USP28: variants seen among roughly 807,000 people sequenced by gnomAD.
USP28 encodes ubiquitin carboxyl-terminal hydrolase 28.
A neutral mutation model predicts 145.0 loss-of-function variants in USP28; 113 were observed. The observed-to-expected ratio is 0.78, with a 90% CI of 0.67 to 0.91. The LOEUF is 0.91. Among genes scored for constraint, USP28 ranks in the 40% least tolerant of loss-of-function variants. The pLI is 0.00. For synonymous variants in USP28, 447 were observed against 450.9 expected (o/e 0.99, Z 0.11); for missense variants, 1,201 against 1,289.6 (o/e 0.93, Z 1.05).
intron 12 of USP28, chr11:113,821,504 C>G: frequency 4.7e-6 from 1 of 210,724 alleles, no homozygotes. Flanking sequence ...GGTCGGGTGG[C>G]TGTTAATCTT....
intron 10 of USP28, 73 bp from the exon 11 acceptor site, chr11:113,827,433 A>C (rs1943508477): frequency 2.8e-6 from 4 of 1,449,566 alleles, no homozygotes; most frequent in African/African-American, 2.9e-5. Context: ...GATTTAAAAT[A>C]TCTCTCATTA....
At chr11:113,833,252 T>C (rs1194600294) in intron 7 of USP28, among the ~76,000 whole-genome samples, 168 bp downstream of exon 7, 1 of 152,136 alleles carries the variant, frequency 6.6e-6, no homozygotes, top group Non-Finnish European at 1.5e-5. Flanking sequence ...CACACACACA[T>C]GCTTTCTCTC....
At chr11:113,858,317 T>C (rs997456383) in intron 1 of USP28, among the ~76,000 whole-genome samples, 3 of 152,232 alleles carry the variant, frequency 2.0e-5, no homozygotes, top group African/African-American at 7.2e-5. Context: ...CCTTAGCCTG[T>C]TCCACCTTTT....
At chr11:113,797,919 G>GT (rs1428076837) in exon 25 of USP28, 1 of 152,422 alleles carries the variant, frequency 6.6e-6, no homozygotes, top group Admixed American at 6.6e-5. Context: ...CTGCATAGTT[G>GT]TATCAATTTT....
chr11:113,861,420 T>G (rs1390537481), intron 1 of USP28, among the ~76,000 whole-genome samples: 1 of 152,248 alleles, frequency 6.6e-6, no homozygotes, highest in Non-Finnish European at 1.5e-5. Context: ...TGAAAATGCC[T>G]GTTTGAGTTT....
chr11:113,823,823 G>C (rs955459778), intron 11 of USP28, 123 bp from the exon 12 acceptor site: 2 of 668,036 alleles, frequency 3.0e-6, no homozygotes, highest in Admixed American at 3.7e-5. Context: ...AAAAACATAC[G>C]GCTGACAGCA....
intron 1 of USP28, among the ~76,000 whole-genome samples, chr11:113,861,781 A>C (rs1947721603): frequency 6.6e-6 from 1 of 152,232 alleles, no homozygotes; most frequent in South Asian, 2.1e-4. Flanking sequence ...CTTATTTTAG[A>C]ATACATTAAG....
intron 24 of USP28, 110 bp from the exon 26 acceptor site, chr11:113,799,525 C>T: frequency 8.1e-7 from 1 of 1,241,628 alleles, no homozygotes; most frequent in South Asian, 1.7e-5. Flanking sequence ...AAGCATTATG[C>T]TGGCCAGTTA....
intron 12 of USP28, among the ~76,000 whole-genome samples, chr11:113,822,973 G>C (rs1353109229): frequency 6.6e-6 from 1 of 152,164 alleles, no homozygotes; most frequent in Non-Finnish European, 1.5e-5. Context: ...AGTGGATAAA[G>C]GGAGGAGAAG....
chr11:113,851,381 G>A (rs1339586776), intron 3 of USP28, among the ~76,000 whole-genome samples: 2 of 151,996 alleles, frequency 1.3e-5, no homozygotes, highest in African/African-American at 2.4e-5. Flanking sequence ...CATCCCTTTC[G>A]GCCCTCCTCA....
chr11:113,811,682 T>C (rs1189896919), intron 16 of USP28, among the ~76,000 whole-genome samples: 1 of 150,852 alleles, frequency 6.6e-6, no homozygotes, highest in African/African-American at 2.4e-5. Context: ...AGCAAGACTA[T>C]GTCTCAAAAA....
At chr11:113,854,230 CCTGA>C (rs750833623) in intron 2 of USP28, 24 bp downstream of exon 2, 17 of 1,596,278 alleles carry the variant, frequency 1.1e-5, no homozygotes, top group Non-Finnish European at 1.4e-5. Flanking sequence ...TTTAAAGCCT[CCTGA>C]CTAACAGAGA....
chr11:113,820,644 G>A (rs929330042), intron 12 of USP28, among the ~76,000 whole-genome samples: 8 of 152,154 alleles, frequency 5.3e-5, no homozygotes, highest in East Asian at 1.9e-4. Context: ...ACATGGAGGC[G>A]CCCTCCTTCC....
At chr11:113,819,376 G>T (rs1326904048) in intron 12 of USP28, among the ~76,000 whole-genome samples, 1 of 151,984 alleles carries the variant, frequency 6.6e-6, no homozygotes, top group East Asian at 1.9e-4. Context: ...GCCTCCCAAA[G>T]TGCTGGGATT....
intron 16 of USP28, 58 bp downstream of exon 16, chr11:113,812,218 T>C (rs554230832): frequency 1.2e-5 from 16 of 1,360,228 alleles, no homozygotes; most frequent in East Asian, 9.2e-5. Flanking sequence ...AAGACTGTTC[T>C]TCTCCCTGAG....
At chr11:113,841,632 G>T (rs1945203794) in intron 4 of USP28, 31 bp downstream of exon 4, 1 of 1,461,144 alleles carries the variant, frequency 6.8e-7, no homozygotes, top group South Asian at 1.2e-5. Context: ...CACAAATGTG[G>T]GGGGCAAGAA....
chr11:113,837,044 C>T (rs1222620285), intron 5 of USP28, among the ~76,000 whole-genome samples: 1 of 152,168 alleles, frequency 6.6e-6, no homozygotes, highest in Admixed American at 6.5e-5. Flanking sequence ...GAGGCTCATC[C>T]AACACCACAG....
intron 13 of USP28, among the ~76,000 whole-genome samples, chr11:113,816,385 C>CAT (rs1245844132): frequency 6.6e-6 from 1 of 152,018 alleles, no homozygotes; most frequent in Non-Finnish European, 1.5e-5. Flanking sequence ...CATGGTGGCA[C>CAT]GCCTGTAGTC....
intron 19 of USP28, 123 bp downstream of exon 20, chr11:113,806,366 T>C (rs1380731839): frequency 6.8e-6 from 5 of 738,024 alleles, no homozygotes; most frequent in African/African-American, 1.8e-5. Context: ...CCTGAGTAGC[T>C]GGGACTACAT....
Sources: allele counts gnomAD v4.1 joint callset (sites outside exome capture counted in the v4.1 genomes callset), GRCh38; gene constraint gnomAD v4.1.1; transcripts MANE v1.5; gene names NCBI Gene and HGNC (gene_info 2026-07-23, HGNC 2026-07-21).